Variants in MGAT5 observed in about 807,000 individuals in gnomAD.
MGAT5 encodes alpha-1,6-mannosylglycoprotein 6-beta-N-acetylglucosaminyltransferase A.
Under a neutral mutation model 94.3 loss-of-function variants are expected in MGAT5, and 30 were observed. The ratio of observed to expected loss-of-function variants is 0.32; its 90% CI spans 0.24 to 0.43. The LOEUF (loss-of-function observed/expected upper bound fraction) is 0.43, where lower values mean the gene tolerates loss of function less well. Ranked by LOEUF, MGAT5 falls within the 20% of genes least tolerant of loss-of-function variation. MGAT5 has a pLI of 1.00. For missense variants in MGAT5, 691 were observed against 905.5 expected (o/e 0.76, Z 3.04); for synonymous variants, 310 against 322.9 (o/e 0.96, Z 0.43).
chr2:134,187,654 G>A (rs1016727876), intron 1 of MGAT5, among the ~76,000 whole-genome samples: 1 of 152,184 alleles, frequency 6.6e-6, no homozygotes, highest in Admixed American at 6.5e-5. Context: ...GGGCAGGCAG[G>A]GACTTTGTCA....
At chr2:134,419,163 T>A (rs1684140515) in intron 12 of MGAT5, among the ~76,000 whole-genome samples, 1 of 152,244 alleles carries the variant, frequency 6.6e-6, no homozygotes, top group Admixed American at 6.5e-5. Context: ...TCATATCAAC[T>A]GCATACATGT....
chr2:134,186,787 G>A (rs1056694164), intron 1 of MGAT5, among the ~76,000 whole-genome samples: 12 of 152,174 alleles, frequency 7.9e-5, no homozygotes, highest in African/African-American at 2.9e-4. Flanking sequence ...ATTGATTGAG[G>A]TCCTACTCTG....
chr2:134,138,963 TC>T (rs1308920989), intron 1 of MGAT5, among the ~76,000 whole-genome samples: 1 of 152,204 alleles, frequency 6.6e-6, no homozygotes, highest in African/African-American at 2.4e-5. Context: ...GTGCCTACTT[TC>T]CATTACATGC....
At chr2:134,313,681 C>T (rs1178865382) in intron 2 of MGAT5, among the ~76,000 whole-genome samples, 1 of 152,152 alleles carries the variant, frequency 6.6e-6, no homozygotes, top group Admixed American at 6.5e-5. Context: ...CATATCTTGG[C>T]AGGATCTTTC....
chr2:134,297,551 G>A (rs1258407764), intron 2 of MGAT5, among the ~76,000 whole-genome samples: 2 of 152,074 alleles, frequency 1.3e-5, no homozygotes, highest in Non-Finnish European at 2.9e-5. Flanking sequence ...TGAACAATTG[G>A]AATTTATTCT....
intron 14 of MGAT5, 87 bp from the exon 15 acceptor site, chr2:134,441,671 C>T (rs1385915605): frequency 3.7e-5 from 55 of 1,474,030 alleles, no homozygotes; most frequent in Middle Eastern, 1.8e-4. Context: ...CCCAGTGTGC[C>T]GCCTCCATTG....
intron 10 of MGAT5, among the ~76,000 whole-genome samples, chr2:134,401,973 G>A (rs1683082776): frequency 6.6e-6 from 1 of 152,186 alleles, no homozygotes; most frequent in African/African-American, 2.4e-5. Context: ...GCACTCTGTG[G>A]CTGCTAATAC....
At chr2:134,409,161 G>T (rs187913187) in intron 11 of MGAT5, among the ~76,000 whole-genome samples, 46 of 152,266 alleles carry the variant, frequency 3.0e-4, no homozygotes, top group African/African-American at 1.1e-3. Context: ...AGTTGCATAT[G>T]GATTTGAACT....
At chr2:134,212,597 C>T (rs908713751) in intron 1 of MGAT5, among the ~76,000 whole-genome samples, 45 of 152,290 alleles carry the variant, frequency 3.0e-4, no homozygotes, top group Admixed American at 4.6e-4. Context: ...CATAAAACCC[C>T]GTAAAATGAT....
chr2:134,294,480 C>T (rs897328642), intron 2 of MGAT5, among the ~76,000 whole-genome samples: 5 of 151,990 alleles, frequency 3.3e-5, no homozygotes, highest in African/African-American at 4.8e-5. Context: ...AGGTATATAC[C>T]ACTGCAGGTC....
intron 1 of MGAT5, among the ~76,000 whole-genome samples, chr2:134,235,627 G>C (rs1416026818): frequency 1.3e-5 from 2 of 151,904 alleles, no homozygotes; most frequent in Admixed American, 6.6e-5. Flanking sequence ...TATCCAAATG[G>C]TGTATTCATG....
Position 134,449,165 on chromosome 2 carries a change from T to G in MGAT5, c.*318T>G. Reference sequence around the variant, plus strand: ...GCAAAAGAAAGTCTCAAGAGTCCTTTAAAACAAAACAGGAGGAATTGAGCT... The same window carrying G: ...GCAAAAGAAAGTCTCAAGAGTCCTTGAAAACAAAACAGGAGGAATTGAGCT... On this transcript the variant is annotated 3_prime_UTR_variant, in exon 16 of 16. Coordinates refer to ENST00000281923, the MANE Select transcript of MGAT5 (RefSeq NM_002410.5). The G allele has an allele frequency of 1.2e-5, 3 of 259,468 alleles. 1 individual carries two copies. Among genetic ancestry groups the G allele is most frequent in the South Asian group, 1.2e-4 (3 of 26,022 alleles). The allele number at this position is 259,468 out of a possible 1,614,324, so 16.1% of individuals were successfully genotyped here. A position where few individuals can be genotyped will look rare whatever the true frequency, so the allele number is the denominator to read the frequency against.
In MGAT5 at chr2:134,451,823, T is replaced by C. The variant is rs1049868732; in HGVS notation, c.*2976T>C. The C allele has an allele frequency of 1.3e-5, 2 of 152,360 alleles. No individual in the cohort carries two copies. The highest frequency in any genetic ancestry group is 4.1e-4 in the South Asian group (2 of 4,832). The allele number at this position is 152,360 out of a possible 1,614,324, so 9.4% of individuals were successfully genotyped here. A position where few individuals can be genotyped will look rare whatever the true frequency, so the allele number is the denominator to read the frequency against. Reference sequence around the variant, plus strand: ...TACTTTGAGGAGTAAAAAGACTTCTTTGAATGCTGGTAAACACCGCATTTA... The same window carrying C: ...TACTTTGAGGAGTAAAAAGACTTCTCTGAATGCTGGTAAACACCGCATTTA... On this transcript the variant is annotated 3_prime_UTR_variant, in exon 16 of 16. Coordinates refer to ENST00000281923, the MANE Select transcript of MGAT5 (RefSeq NM_002410.5).
chr2:134,326,015 G>A (rs1687619682), intron 4 of MGAT5, among the ~76,000 whole-genome samples: 1 of 149,484 alleles, frequency 6.7e-6, no homozygotes, highest in Non-Finnish European at 1.5e-5. Flanking sequence ...TGAGTTGGGA[G>A]GCACATAATG....
At chr2:134,263,637 A>G (rs534919686) in intron 1 of MGAT5, among the ~76,000 whole-genome samples, 1 of 152,294 alleles carries the variant, frequency 6.6e-6, no homozygotes, top group East Asian at 1.9e-4. Flanking sequence ...TTCAAATGAG[A>G]TAAGGCAGTA....
chr2:134,395,743 CTA>C (rs1348201606), intron 10 of MGAT5, among the ~76,000 whole-genome samples: 1 of 152,176 alleles, frequency 6.6e-6, no homozygotes, highest in Non-Finnish European at 1.5e-5. Flanking sequence ...AGAAATCTCC[CTA>C]TGTCTGTCTT....
chr2:134,141,338 C>T (rs1214794594), intron 1 of MGAT5, among the ~76,000 whole-genome samples: 1 of 152,186 alleles, frequency 6.6e-6, no homozygotes, highest in Non-Finnish European at 1.5e-5. Context: ...GTGGTGGTCA[C>T]ATGTTTTTGT....
At chr2:134,141,053 T>A (rs564936436) in intron 1 of MGAT5, among the ~76,000 whole-genome samples, 19 of 152,302 alleles carry the variant, frequency 1.2e-4, no homozygotes, top group Admixed American at 1.2e-3. Flanking sequence ...ACTGCCCTGA[T>A]GAAGAGATAA....
chr2:134,188,946 T>C (rs560250821), intron 1 of MGAT5, among the ~76,000 whole-genome samples: 4 of 152,298 alleles, frequency 2.6e-5, no homozygotes, highest in African/African-American at 9.6e-5. Context: ...GGTTTTATTA[T>C]AAAGGGTCTA....
Sources: gnomAD v4.1 joint callset for allele counts (sites outside exome capture counted in the v4.1 genomes callset) on GRCh38, gnomAD v4.1.1 for gene constraint, MANE v1.5 for transcripts, NCBI Gene and HGNC (gene_info 2026-07-23, HGNC 2026-07-21) for gene names.